The following LRRC40 variants were observed in gnomAD, a reference collection of about 807,000 sequenced individuals.
LRRC40 encodes the protein leucine-rich repeat-containing protein 40.
Under a neutral mutation model 72.8 loss-of-function variants are expected in LRRC40, and 76 were observed. The observed-to-expected ratio is 1.04, with a 90% CI of 0.87 to 1.26. The LOEUF is 1.26. LRRC40 is among the 50% of genes most tolerant of loss of function. LRRC40 has a pLI of 0.00. For missense variants in LRRC40, 684 were observed against 698.9 expected (o/e 0.98, Z 0.24); for synonymous variants, 243 against 254.2 (o/e 0.96, Z 0.42).
intron 9 of LRRC40, among the ~76,000 whole-genome samples, chr1:70,164,013 G>A (rs950356161): frequency 1.3e-5 from 2 of 152,108 alleles, no homozygotes; most frequent in Admixed American, 1.3e-4. Flanking sequence ...TGGTGGGGGC[G>A]CTCTTGCTGT....
At chr1:70,203,728 A>G (rs1242814409) in intron 1 of LRRC40, among the ~76,000 whole-genome samples, 2 of 152,218 alleles carry the variant, frequency 1.3e-5, no homozygotes, top group Non-Finnish European at 2.9e-5. Context: ...AGAGTGATTA[A>G]CCATCTCAAT....
chr1:70,159,435 T>A lies in LRRC40; in HGVS notation c.1115A>T (p.Asp372Val). 6.6e-7 allele frequency: 1 copy of A among 1,522,792 alleles called. No individual in the cohort carries two copies. 94.3% of individuals were successfully genotyped at this position (1,522,792 alleles called of 1,614,324 possible). A position where few individuals can be genotyped will look rare whatever the true frequency, so the allele number is the denominator to read the frequency against. Residue 372 changes from aspartate (D) to valine (V), a missense_variant, in exon 10 of 15, where the codon GAT (aspartate) becomes GTT (valine). Transcript: ENST00000370952. ...LKYLRSKIKD[D>V]GPSQSESATE... ...AGCAGACTCACTTTGGCTAGGTCCA[T>A]CATCTGGCAAAAGAAAACTTATATG... is the stretch of plus-strand genomic sequence containing the variant.
At chr1:70,184,452 T>C (rs1249378418) in intron 4 of LRRC40, among the ~76,000 whole-genome samples, 1 of 151,980 alleles carries the variant, frequency 6.6e-6, no homozygotes, top group Non-Finnish European at 1.5e-5. Flanking sequence ...AGGAAGGAAA[T>C]GGAAATGGGT....
chr1:70,176,407 C>T (rs1668104869), intron 6 of LRRC40, among the ~76,000 whole-genome samples: 1 of 151,720 alleles, frequency 6.6e-6, no homozygotes, highest in African/African-American at 2.4e-5. Context: ...TGGAGCGTGC[C>T]TGTAGTCCCA....
At chr1:70,185,837 G>A (rs1056689951) in intron 3 of LRRC40, among the ~76,000 whole-genome samples, 1 of 152,112 alleles carries the variant, frequency 6.6e-6, no homozygotes, top group Non-Finnish European at 1.5e-5. Flanking sequence ...AAATCATGGA[G>A]GATGATAGAC....
intron 10 of LRRC40, among the ~76,000 whole-genome samples, chr1:70,156,942 G>A (rs1487576069): frequency 2.0e-5 from 3 of 151,974 alleles, no homozygotes; most frequent in Non-Finnish European, 2.9e-5. Flanking sequence ...GTGGATAAGC[G>A]GGACTACTAT....
rs751633577 is a variant in LRRC40, at chr1:70,155,743, T to C, written c.1274A>G (p.Asn425Ser). The change falls in exon 11 of 15, where the codon AAC becomes AGC. Residue 425 changes from asparagine (N) to serine (S), a missense_variant. By Grantham distance (46) the Asn-to-Ser change is conservative. Coordinates refer to ENST00000370952, the MANE Select transcript of LRRC40 (RefSeq NM_017768.5). ...ACTGAAGTTAATAGAAGTGACGATG[T>C]TGCTTTTTACTGCATCAAACACCTC... ...PDEVFDAVKS[N>S]IVTSINFSKN... The C allele has an allele frequency of 1.9e-5, 30 of 1,583,922 alleles. No individual in the cohort carries two copies. The highest frequency in any genetic ancestry group is 2.3e-5 in the South Asian group (2 of 86,278).
intron 5 of LRRC40, chr1:70,180,098 A>G (rs551870444): frequency 6.6e-6 from 1 of 152,264 alleles, no homozygotes; most frequent in East Asian, 1.9e-4. Flanking sequence ...TAGTTACAAA[A>G]TAACAGTTTT....
At chr1:70,150,589 G>A (rs1667454222) in intron 13 of LRRC40, among the ~76,000 whole-genome samples, 1 of 152,192 alleles carries the variant, frequency 6.6e-6, no homozygotes, top group African/African-American at 2.4e-5. Flanking sequence ...AAAGCTCAAG[G>A]TCTGGCTACT....
In LRRC40 at chr1:70,178,964, G is replaced by A; in HGVS notation, c.691C>T (p.Leu231Phe). ...RLKHLDCNSNLLETIPPELAG... is the reference protein window; with the variant it reads ...RLKHLDCNSNFLETIPPELAG... Reference sequence around the variant, plus strand: ...AATTCAGGAGGTATAGTTTCCAAGAGATTTGAATTACAATCCAAATGCTTC... The same window carrying A: ...AATTCAGGAGGTATAGTTTCCAAGAAATTTGAATTACAATCCAAATGCTTC... Residue 231 changes from leucine to phenylalanine, a missense_variant, in exon 6 of 15, where the codon CTC becomes TTC. By Grantham distance (22) the Leu-to-Phe change is conservative. Transcript: ENST00000370952. The A allele has an allele frequency of 6.3e-7, 1 of 1,598,204 alleles. No individual in the cohort carries two copies. Among genetic ancestry groups the A allele is most frequent in the Non-Finnish European group, 8.5e-7 (1 of 1,170,248 alleles).
chr1:70,179,431 G>A (rs1342707923), intron 5 of LRRC40, among the ~76,000 whole-genome samples: 1 of 152,062 alleles, frequency 6.6e-6, no homozygotes, highest in East Asian at 1.9e-4. Context: ...AGGCTGCACT[G>A]AGCTATGATC....
At chr1:70,179,153 A>T (rs1482636235) in intron 5 of LRRC40, among the ~76,000 whole-genome samples, 160 bp from the exon 6 acceptor site, 1 of 152,176 alleles carries the variant, frequency 6.6e-6, no homozygotes, top group African/African-American at 2.4e-5. Flanking sequence ...ATAAATGTAA[A>T]TTTTTCTACA....
chr1:70,151,138 A>G lies in LRRC40; in HGVS notation c.1507T>C (p.Ser503Pro). 6.5e-7 allele frequency: 1 copy of G among 1,540,494 alleles called. No homozygotes were observed. Among genetic ancestry groups the G allele is most frequent in the Non-Finnish European group, 9.0e-7 (1 of 1,115,226 alleles). ...TGTCTGTTCTCTTACCTATTAAAGG[A>G]AAGATTGATCGTTTGCAGTCTTACC... ...SLVRLQTINL[S>P]FNRFKMLPEV... Residue 503 changes from serine to proline, a missense_variant, in exon 13 of 15, where the codon TCC becomes CCC. Coordinates refer to ENST00000370952, the MANE Select transcript of LRRC40 (RefSeq NM_017768.5).
chr1:70,178,052 C>T (rs1668148713), intron 6 of LRRC40, among the ~76,000 whole-genome samples: 2 of 152,156 alleles, frequency 1.3e-5, no homozygotes, highest in Admixed American at 1.3e-4. Flanking sequence ...ATATGGCATA[C>T]AAATTATGTG....
intron 9 of LRRC40, among the ~76,000 whole-genome samples, chr1:70,163,519 C>T (rs767282661): frequency 2.6e-5 from 4 of 152,158 alleles, no homozygotes; most frequent in East Asian, 1.9e-4. Context: ...CATCCTATTA[C>T]GCTGACCTCC....
chr1:70,164,388 A>T (rs1216630007), intron 9 of LRRC40, among the ~76,000 whole-genome samples: 1 of 152,040 alleles, frequency 6.6e-6, no homozygotes, highest in Non-Finnish European at 1.5e-5. Flanking sequence ...GAAACTCCAT[A>T]TCAAAAGAAA....
At chr1:70,200,486 G>T (rs1186248666) in intron 1 of LRRC40, among the ~76,000 whole-genome samples, 2 of 151,892 alleles carry the variant, frequency 1.3e-5, no homozygotes, top group Non-Finnish European at 2.9e-5. Flanking sequence ...GAACAGAAAT[G>T]AATCTACTTT....
chr1:70,180,982 A>C (rs1252067766), intron 5 of LRRC40, 104 bp downstream of exon 5: 1 of 824,258 alleles, frequency 1.2e-6, no homozygotes, highest in Non-Finnish European at 1.7e-6. Context: ...ACCACTATAA[A>C]AATCTACTAC....
intron 9 of LRRC40, among the ~76,000 whole-genome samples, chr1:70,172,463 G>A (rs574487528): frequency 6.6e-6 from 1 of 151,938 alleles, no homozygotes. Context: ...TATATGCATG[G>A]ATTCACTCTC....
Sources: allele counts gnomAD v4.1 joint callset (sites outside exome capture counted in the v4.1 genomes callset), GRCh38; gene constraint gnomAD v4.1.1; transcripts MANE v1.5; gene names NCBI Gene and HGNC (gene_info 2026-07-23, HGNC 2026-07-21).